The following PRH1 variants were observed in gnomAD, a reference collection of about 807,000 sequenced individuals.
PRH1 encodes proline rich protein HaeIII subfamily 1, also known as salivary acidic proline-rich phosphoprotein 1/2.
A neutral mutation model predicts 7.9 loss-of-function variants in PRH1; 7 were observed. That is an observed-to-expected ratio of 0.89 (90% CI 0.50 to 1.67). The LOEUF (loss-of-function observed/expected upper bound fraction) is 1.67, where lower values mean the gene tolerates loss of function less well. Ranked by LOEUF, PRH1 falls within the 40% of genes most tolerant of loss-of-function variation. PRH1 has a pLI of 0.00. For missense variants in PRH1, 109 were observed against 223.6 expected (o/e 0.49, Z 3.27); for synonymous variants, 45 against 80.8 (o/e 0.56, Z 2.38).
chr12:11,149,680 A>G lies in PRH1; in HGVS notation n.39+21742T>C, dbSNP rs1450912840. Among the ~76,000 whole-genome samples, 4 of 142,554 alleles carry G rather than the reference A, an allele frequency of 2.8e-5. No homozygotes were observed. The Admixed American group carries it at 2.9e-4, about 10-fold the overall frequency. 93.5% of individuals were successfully genotyped at this position (142,554 alleles called of 152,430 possible). A position where few individuals can be genotyped will look rare whatever the true frequency, so the allele number is the denominator to read the frequency against. ...TACAAAAATTAATTCAAGATGGATT[A>G]AAGACTTAAACATTAGACCTAAAAC... is the stretch of plus-strand genomic sequence containing the variant. On this transcript the variant is annotated intron_variant and non_coding_transcript_variant, in intron 1 of 1. Coordinates refer to the PRH1 transcript ENST00000541175.
At chr12:11,031,357 T>C in intron 1 of PRH1, 3 of 1,573,786 alleles carry the variant, frequency 1.9e-6, no homozygotes, top group Non-Finnish European at 2.6e-6. Flanking sequence ...CAAAAAAAAA[T>C]TGTTTTAATG....
At chr12:10,975,186 C>G (rs1939025907) in intron 1 of PRH1, among the ~76,000 whole-genome samples, 1 of 152,184 alleles carries the variant, frequency 6.6e-6, no homozygotes, top group East Asian at 1.9e-4. Context: ...GACAGATCAC[C>G]TACAAAGGGA....
intron 2 of PRH1, chr12:10,965,474 A>G (rs758708542): frequency 5.2e-6 from 2 of 382,004 alleles, no homozygotes; most frequent in Non-Finnish European, 9.7e-6. Flanking sequence ...CATTCTTTTT[A>G]CTTTCAAATA....
chr12:11,030,717 T>A, intron 1 of PRH1: 1 of 1,614,182 alleles, frequency 6.2e-7, no homozygotes, highest in South Asian at 1.1e-5. Flanking sequence ...TGCATCTTCT[T>A]GAGATGTTTA....
intron 2 of PRH1, among the ~76,000 whole-genome samples, chr12:10,925,713 G>C (rs890217699): frequency 1.3e-5 from 2 of 152,154 alleles, no homozygotes; most frequent in Admixed American, 6.5e-5. Context: ...TCTTAGGAAA[G>C]CTTAACCTTG....
In PRH1 at chr12:10,986,741, C is replaced by A. The variant is rs149076191; in HGVS notation, c.-125-13020G>T. ...TGAGAATTTGGTCAGCTGAGGAGAT[C>A]TTTTTTCTCTTCACCCAGTCAATGA... On this transcript the variant is annotated intron_variant, in intron 1 of 3. Coordinates refer to the PRH1 transcript ENST00000539853. 67 of 1,612,336 alleles carry A rather than the reference C, an allele frequency of 4.2e-5. No individual in the cohort carries two copies. Among genetic ancestry groups the A allele is most frequent in the Non-Finnish European group, 5.3e-5 (63 of 1,179,688 alleles).
At chr12:11,022,564 C>T (rs760843292) in intron 1 of PRH1, 21 of 1,607,550 alleles carry the variant, frequency 1.3e-5, no homozygotes, top group Non-Finnish European at 1.7e-5. Flanking sequence ...GAGCAGAAAA[C>T]ACATCATGTT....
chr12:11,155,436 T>C (rs2136438899), intron 1 of PRH1, among the ~76,000 whole-genome samples: 1 of 152,346 alleles, frequency 6.6e-6, no homozygotes, highest in Admixed American at 6.5e-5. Flanking sequence ...TTAGGTCAGT[T>C]GTTAAAAATC....
At chr12:11,068,382 T>C (rs1313404533) in intron 1 of PRH1, among the ~76,000 whole-genome samples, 2 of 80,426 alleles carry the variant, frequency 2.5e-5, no homozygotes, top group Non-Finnish European at 3.2e-5. Context: ...CATTTGTGAG[T>C]ATTATTATCT....
At chr12:11,002,034 A>G (rs1418339800) in intron 1 of PRH1, among the ~76,000 whole-genome samples, 1 of 152,164 alleles carries the variant, frequency 6.6e-6, no homozygotes, top group South Asian at 2.1e-4. Context: ...AAGGTTATCT[A>G]TAATGATTTG....
At chr12:11,162,930 A>G (rs1045032500) in intron 1 of PRH1, among the ~76,000 whole-genome samples, 8 of 152,242 alleles carry the variant, frequency 5.3e-5, no homozygotes, top group Non-Finnish European at 8.8e-5. Flanking sequence ...TACATGGAAC[A>G]CTATTCAGCT....
chr12:11,159,452 T>C (rs935852267), intron 1 of PRH1: 4 of 151,224 alleles, frequency 2.6e-5, no homozygotes, highest in African/African-American at 9.7e-5. Flanking sequence ...ACAGTTTTAC[T>C]AGTTTACGGA....
chr12:10,988,982 A>G (rs888798787), intron 1 of PRH1, among the ~76,000 whole-genome samples: 1 of 152,022 alleles, frequency 6.6e-6, no homozygotes, highest in Non-Finnish European at 1.5e-5. Flanking sequence ...AACTTTTTGT[A>G]TTTTTAGTAC....
At chr12:11,016,402 A>G (rs563867608) in intron 1 of PRH1, among the ~76,000 whole-genome samples, 1 of 152,188 alleles carries the variant, frequency 6.6e-6, no homozygotes, top group Non-Finnish European at 1.5e-5. Context: ...ACGGACTCGC[A>G]TATTGGTTAT....
intron 1 of PRH1, among the ~76,000 whole-genome samples, chr12:11,089,018 T>G (rs1180024727): frequency 4.3e-5 from 5 of 115,954 alleles, no homozygotes; most frequent in Non-Finnish European, 8.2e-5. Context: ...CACAAAACCC[T>G]ATGCAACTGT....
intron 1 of PRH1, among the ~76,000 whole-genome samples, chr12:11,164,667 A>G (rs981286954): frequency 7.9e-5 from 12 of 151,650 alleles, no homozygotes; most frequent in African/African-American, 2.7e-4. Flanking sequence ...ATAGTGTCTA[A>G]CTCCCTGATT....
At chr12:11,046,614 T>C (rs1350315388) in intron 1 of PRH1, among the ~76,000 whole-genome samples, 2 of 152,160 alleles carry the variant, frequency 1.3e-5, no homozygotes, top group Non-Finnish European at 2.9e-5. Context: ...AGTGCTGACC[T>C]CTCTCTAGTA....
At chr12:10,929,329 T>A in intron 2 of PRH1, 2 of 1,614,090 alleles carry the variant, frequency 1.2e-6, no homozygotes, top group Non-Finnish European at 1.7e-6. Flanking sequence ...GCTCAGGACT[T>A]AGATGAAGGT....
chr12:11,066,519 G>C (rs973437813), intron 1 of PRH1, among the ~76,000 whole-genome samples: 1 of 151,776 alleles, frequency 6.6e-6, no homozygotes, highest in East Asian at 1.9e-4. Flanking sequence ...TATTGAGCAT[G>C]ACTAAGCTTT....
Sources: gnomAD v4.1 joint callset for allele counts (sites outside exome capture counted in the v4.1 genomes callset) on GRCh38, gnomAD v4.1.1 for gene constraint, MANE v1.5 for transcripts, NCBI Gene and HGNC (gene_info 2026-07-23, HGNC 2026-07-21) for gene names.